Variants in TBC1D22A observed in about 807,000 individuals in gnomAD.
TBC1D22A encodes the protein putative GTPase activator.
TBC1D22A carries 38 observed loss-of-function variants against 60.2 expected under a neutral mutation model. The ratio of observed to expected loss-of-function variants is 0.63; its 90% CI spans 0.49 to 0.83. The LOEUF is 0.83. Ranked by LOEUF, TBC1D22A falls within the 40% of genes least tolerant of loss-of-function variation. TBC1D22A has a pLI of 0.00. For missense variants in TBC1D22A, 628 were observed against 701.0 expected, an observed-to-expected ratio of 0.90 and a Z score of 1.18; for synonymous variants, 302 against 281.7, an observed-to-expected ratio of 1.07 and a Z score of -0.72.
intron 4 of TBC1D22A, among the ~76,000 whole-genome samples, chr22:46,812,528 CTTCCCACCCCT>C: frequency 6.6e-6 from 1 of 152,222 alleles, no homozygotes; most frequent in African/African-American, 2.4e-5. Flanking sequence ...GTCAGCCACT[CTTCCCACCCCT>C]TTGGGGACAC....
At chr22:47,000,729 G>A (rs1295390728) in intron 10 of TBC1D22A, among the ~76,000 whole-genome samples, 1 of 151,944 alleles carries the variant, frequency 6.6e-6, no homozygotes, top group Admixed American at 6.6e-5. Context: ...AAAGGTGAGA[G>A]TAGGAGGAAC....
chr22:46,856,420 G>A (rs1569136582), intron 4 of TBC1D22A, among the ~76,000 whole-genome samples: 1 of 152,224 alleles, frequency 6.6e-6, no homozygotes, highest in Non-Finnish European at 1.5e-5. Flanking sequence ...GAAAGTATAA[G>A]AGGCTGACTG....
chr22:47,112,324 G>A (rs976160241), intron 12 of TBC1D22A, among the ~76,000 whole-genome samples: 2 of 152,242 alleles, frequency 1.3e-5, no homozygotes, highest in African/African-American at 4.8e-5. Context: ...GGCTCTGGGT[G>A]CAGCAAGGAA....
intron 8 of TBC1D22A, among the ~76,000 whole-genome samples, chr22:46,944,127 G>A (rs2072356676): frequency 6.6e-6 from 1 of 152,166 alleles, no homozygotes; most frequent in Admixed American, 6.5e-5. Context: ...GTTTTCCAAA[G>A]TGCCTGCTCC....
chr22:46,878,599 G>T (rs962799488), intron 4 of TBC1D22A, 54 bp from the exon 5 acceptor site: 1 of 1,546,110 alleles, frequency 6.5e-7, no homozygotes, highest in Non-Finnish European at 8.9e-7. Context: ...CACTGGGGAG[G>T]TTTGCTAACC....
chr22:46,809,798 T>G (rs947560159), intron 4 of TBC1D22A, among the ~76,000 whole-genome samples: 2 of 152,180 alleles, frequency 1.3e-5, no homozygotes, highest in African/African-American at 4.8e-5. Flanking sequence ...GCTGCTGTGT[T>G]CTTACCGTCG....
intron 1 of TBC1D22A, among the ~76,000 whole-genome samples, chr22:46,782,815 T>G (rs370366537): frequency 9.9e-5 from 15 of 152,222 alleles, no homozygotes; most frequent in East Asian, 7.7e-4. Context: ...TCATTCCCTT[T>G]ATGACCTAAT....
chr22:47,003,541 CAT>C (rs1201577951), intron 10 of TBC1D22A, among the ~76,000 whole-genome samples: 1 of 146,112 alleles, frequency 6.8e-6, no homozygotes, highest in African/African-American at 2.7e-5. Context: ...CCTACACACA[CAT>C]GCCTGTATAC....
intron 10 of TBC1D22A, among the ~76,000 whole-genome samples, chr22:47,033,664 T>C (rs2062562172): frequency 6.6e-6 from 1 of 152,116 alleles, no homozygotes. Flanking sequence ...GCTTGGGGTG[T>C]TTCTGGAAGC....
chr22:46,988,204 A>G lies in TBC1D22A; in HGVS notation c.1126-9430A>G, dbSNP rs186224667. Reference sequence around the variant, plus strand: ...CAGACTGTTTCTAATTCTGTTGTCTATTTCCACCATATCTGTAGTTACTTC... The same window carrying G: ...CAGACTGTTTCTAATTCTGTTGTCTGTTTCCACCATATCTGTAGTTACTTC... On this transcript the variant is annotated intron_variant, in intron 9 of 12. Coordinates refer to ENST00000337137, the MANE Select transcript of TBC1D22A (RefSeq NM_014346.5). 2.8e-3 allele frequency among the ~76,000 whole-genome samples: 431 copies of G among 152,296 alleles called. 4 individuals are homozygous for G. The highest frequency in any genetic ancestry group is 3.5e-3 in the Non-Finnish European group (239 of 68,024).
intron 10 of TBC1D22A, among the ~76,000 whole-genome samples, chr22:47,029,371 G>C (rs906483803): frequency 3.3e-5 from 5 of 152,060 alleles, no homozygotes; most frequent in African/African-American, 1.2e-4. Flanking sequence ...TCCTGCCATA[G>C]CCATGTGTTC....
At chr22:47,141,394 T>TC (rs2067080111) in intron 12 of TBC1D22A, among the ~76,000 whole-genome samples, 1 of 152,208 alleles carries the variant, frequency 6.6e-6, no homozygotes, top group Admixed American at 6.5e-5. Context: ...CCATCGGTAG[T>TC]CCTGAGAGTT....
intron 4 of TBC1D22A, among the ~76,000 whole-genome samples, chr22:46,845,170 A>T (rs1477347393): frequency 6.6e-6 from 1 of 152,242 alleles, no homozygotes; most frequent in Non-Finnish European, 1.5e-5. Context: ...ACAGTGGGAT[A>T]TTGAGATTGT....
intron 7 of TBC1D22A, among the ~76,000 whole-genome samples, chr22:46,901,676 T>A (rs1442500322): frequency 6.6e-6 from 1 of 150,576 alleles, no homozygotes; most frequent in Admixed American, 6.6e-5. Context: ...CAGTTCGATT[T>A]TGGTTTCATT....
At chr22:47,012,074 C>G (rs1477392763) in intron 10 of TBC1D22A, among the ~76,000 whole-genome samples, 1 of 152,020 alleles carries the variant, frequency 6.6e-6, no homozygotes, top group Non-Finnish European at 1.5e-5. Context: ...GTGGGCCCCT[C>G]GGGTTGACTG....
chr22:47,145,914 G>A (rs181861903), intron 12 of TBC1D22A, among the ~76,000 whole-genome samples: 136 of 152,330 alleles, frequency 8.9e-4, no homozygotes, highest in African/African-American at 2.9e-3. Flanking sequence ...TGGATTGCTG[G>A]CCTGTCCCAT....
chr22:47,163,034 A>T (rs2068057557), intron 12 of TBC1D22A, among the ~76,000 whole-genome samples: 1 of 152,224 alleles, frequency 6.6e-6, no homozygotes, highest in African/African-American at 2.4e-5. Flanking sequence ...CCGGAGACCA[A>T]AGGAGACGGG....
intron 4 of TBC1D22A, among the ~76,000 whole-genome samples, chr22:46,864,184 GA>G (rs2066942371): frequency 1.3e-5 from 2 of 152,230 alleles, no homozygotes; most frequent in African/African-American, 4.8e-5. Context: ...GTTAAAGCTA[GA>G]GAAGTTATTT....
chr22:46,996,290 G>A (rs1438020213), intron 9 of TBC1D22A, among the ~76,000 whole-genome samples: 1 of 152,226 alleles, frequency 6.6e-6, no homozygotes, highest in African/African-American at 2.4e-5. Context: ...TGAGACTCAT[G>A]GGGCCATCCC....
Sources: gnomAD v4.1 joint callset for allele counts (sites outside exome capture counted in the v4.1 genomes callset) on GRCh38, gnomAD v4.1.1 for gene constraint, MANE v1.5 for transcripts, NCBI Gene and HGNC (gene_info 2026-07-23, HGNC 2026-07-21) for gene names.